NBEA: variants seen among roughly 807,000 people sequenced by gnomAD.
NBEA encodes lysosomal-trafficking regulator 2.
A neutral mutation model predicts 343.4 loss-of-function variants in NBEA; 44 were observed. The observed-to-expected ratio is 0.13, with a 90% CI of 0.10 to 0.16. The LOEUF (loss-of-function observed/expected upper bound fraction) is 0.16. NBEA is among the 10% of genes least tolerant of loss of function. The pLI is 1.00. For synonymous variants in NBEA, 1,175 were observed against 1,238.7 expected, an observed-to-expected ratio of 0.95 and a Z score of 1.08; for missense variants, 2,555 against 3,631.3, an observed-to-expected ratio of 0.70 and a Z score of 7.62.
chr13:35,642,058 G>A (rs535509219), intron 49 of NBEA, among the ~76,000 whole-genome samples: 4 of 152,232 alleles, frequency 2.6e-5, no homozygotes, highest in Non-Finnish European at 5.9e-5. Flanking sequence ...TTCTACCAAA[G>A]TGTTGTCTAC....
intron 39 of NBEA, among the ~76,000 whole-genome samples, chr13:35,445,791 T>TATATATATATAC (rs2045979656): frequency 7.1e-5 from 5 of 70,256 alleles, no homozygotes; most frequent in Middle Eastern, 6.1e-3. Flanking sequence ...TTTATATATA[T>TATATATATATAC]ATATATATAT....
At chr13:35,499,217 C>T (rs1409080698) in intron 41 of NBEA, among the ~76,000 whole-genome samples, 1 of 152,102 alleles carries the variant, frequency 6.6e-6, no homozygotes, top group African/African-American at 2.4e-5. Context: ...TTTGGCAGCA[C>T]TTCTAAAGTG....
At chr13:35,086,127 T>C (rs575770078) in intron 10 of NBEA, among the ~76,000 whole-genome samples, 4 of 152,138 alleles carry the variant, frequency 2.6e-5, no homozygotes, top group African/African-American at 9.6e-5. Flanking sequence ...GTAGGAAGAA[T>C]CAATATCGTG....
At chr13:35,418,304 T>C (rs1430006974) in intron 38 of NBEA, among the ~76,000 whole-genome samples, 1 of 152,044 alleles carries the variant, frequency 6.6e-6, no homozygotes, top group Non-Finnish European at 1.5e-5. Context: ...TTTCTATTGT[T>C]TTTTCTATAG....
intron 17 of NBEA, among the ~76,000 whole-genome samples, chr13:35,132,725 A>G (rs1185763376): frequency 6.6e-6 from 1 of 152,124 alleles, no homozygotes; most frequent in South Asian, 2.1e-4. Context: ...GGGGCTAGCA[A>G]TGGGAGTGGG....
At chr13:35,550,075 C>G (rs1403757108) in intron 41 of NBEA, among the ~76,000 whole-genome samples, 2 of 152,136 alleles carry the variant, frequency 1.3e-5, no homozygotes, top group Non-Finnish European at 2.9e-5. Context: ...AATCATGATC[C>G]TTTGCCTGGG....
At chr13:35,264,384 T>C (rs1386121725) in intron 34 of NBEA, among the ~76,000 whole-genome samples, 2 of 151,924 alleles carry the variant, frequency 1.3e-5, no homozygotes, top group African/African-American at 4.8e-5. Flanking sequence ...GGAGGTAATA[T>C]TTCCAAACAC....
rs373322932 is a variant in NBEA at position 35,159,687 on chromosome 13, G to A, written c.3516G>A (p.Gln1172=). The A allele has an allele frequency of 3.3e-5, 53 of 1,612,524 alleles. 1 individual carries two copies. In the East Asian group the frequency reaches 6.0e-4, roughly 18 times the overall value. The change falls in exon 22 of 59, where the codon CAG becomes CAA. Residue 1172 remains glutamine (Q), a synonymous_variant. Coordinates refer to ENST00000379939, the MANE Select transcript of NBEA (RefSeq NM_001385012.1). ...GCAATCACATTATTCCAAATATTCA[G>A]GACACACAAGTACATCTTGGTGTTA... is the stretch of plus-strand genomic sequence containing the variant. ...LSSNHIIPNI[Q]DTQVHLGVSD...
intron 1 of NBEA, among the ~76,000 whole-genome samples, chr13:35,006,319 A>G (rs73167732): frequency 0.014 from 2,146 of 152,162 alleles, 19 homozygotes; most frequent in Middle Eastern, 0.041. Context: ...ATATTATAAC[A>G]TGCATGTTTG....
intron 33 of NBEA, among the ~76,000 whole-genome samples, chr13:35,226,110 T>C (rs1412310825): frequency 1.3e-5 from 2 of 152,166 alleles, no homozygotes; most frequent in Admixed American, 1.3e-4. Flanking sequence ...CACCTGTAAA[T>C]AAGTGGCAGT....
intron 18 of NBEA, among the ~76,000 whole-genome samples, chr13:35,153,829 T>C (rs1481356826): frequency 6.6e-6 from 1 of 152,230 alleles, no homozygotes; most frequent in Admixed American, 6.5e-5. Flanking sequence ...TTGAATCCTT[T>C]ATTTATAACC....
intron 37 of NBEA, among the ~76,000 whole-genome samples, chr13:35,350,200 A>T (rs1319594572): frequency 6.6e-6 from 1 of 152,194 alleles, no homozygotes; most frequent in African/African-American, 2.4e-5. Context: ...ATATAAGCAG[A>T]TCAATATTTG....
At chr13:35,360,753 AGAGTAAAT>A (rs1257742523) in intron 38 of NBEA, among the ~76,000 whole-genome samples, 3 of 152,084 alleles carry the variant, frequency 2.0e-5, no homozygotes, top group African/African-American at 7.2e-5. Context: ...GACAGAGGAA[AGAGTAAAT>A]GATTTTGAAG....
At chr13:35,264,047 CAAAT>C (rs1046969941) in intron 34 of NBEA, among the ~76,000 whole-genome samples, 14 of 144,990 alleles carry the variant, frequency 9.7e-5, no homozygotes, top group African/African-American at 1.5e-4. Flanking sequence ...AGAGAAGACT[CAAAT>C]AAAATCAGAA....
At chr13:35,490,749 T>TA (rs11408513) in intron 41 of NBEA, among the ~76,000 whole-genome samples, 95,937 of 151,756 alleles carry the variant, frequency 0.63, 30,504 homozygotes, top group Admixed American at 0.7. Context: ...TTACTGTATG[T>TA]ACCTTCATCT....
At chr13:35,177,154 GTA>G in intron 28 of NBEA, 51 bp downstream of exon 28, 1 of 1,350,042 alleles carries the variant, frequency 7.4e-7, no homozygotes, top group Non-Finnish European at 1.0e-6. Flanking sequence ...ACTGTCATTC[GTA>G]TGAAATACGT....
chr13:35,542,701 C>T (rs879670468), intron 41 of NBEA, among the ~76,000 whole-genome samples: 1 of 151,916 alleles, frequency 6.6e-6, no homozygotes, highest in Non-Finnish European at 1.5e-5. Context: ...TACAATTTTC[C>T]ATAATTTTAA....
intron 1 of NBEA, among the ~76,000 whole-genome samples, chr13:34,944,374 G>C (rs2056729592): frequency 6.6e-6 from 1 of 152,166 alleles, no homozygotes; most frequent in Non-Finnish European, 1.5e-5. Flanking sequence ...TAATGTCTAC[G>C]GTTTATGAAC....
chr13:35,329,020 A>G (rs774276758), intron 36 of NBEA, among the ~76,000 whole-genome samples: 3 of 151,978 alleles, frequency 2.0e-5, no homozygotes, highest in Non-Finnish European at 4.4e-5. Flanking sequence ...GATGAACTAC[A>G]CAAGTAGGCA....
Sources: allele counts gnomAD v4.1 joint callset (sites outside exome capture counted in the v4.1 genomes callset), GRCh38; gene constraint gnomAD v4.1.1; transcripts MANE v1.5; gene names NCBI Gene and HGNC (gene_info 2026-07-23, HGNC 2026-07-21).